CLEC16A: variants seen among roughly 807,000 people sequenced by gnomAD.
CLEC16A encodes C-type lectin domain containing 16A.
Under a neutral mutation model 109.5 loss-of-function variants are expected in CLEC16A, and 51 were observed. The observed-to-expected ratio is 0.47, with a 90% CI of 0.37 to 0.59. The LOEUF is 0.59. Ranked by LOEUF, CLEC16A falls within the 20% of genes least tolerant of loss-of-function variation. The probability of loss-of-function intolerance (pLI) is 0.00; values close to 1 mark genes in which losing one functional copy is unlikely to be tolerated. For missense variants in CLEC16A, 1,339 were observed against 1,394.0 expected (o/e 0.96, Z 0.63); for synonymous variants, 673 against 564.2 (o/e 1.19, Z -2.73).
intron 19 of CLEC16A, among the ~76,000 whole-genome samples, chr16:11,076,052 C>T (rs1245308490): frequency 6.7e-6 from 1 of 148,298 alleles, no homozygotes; most frequent in Non-Finnish European, 1.5e-5. Context: ...GTCTCACTGC[C>T]TTTAGCTCCC....
intron 19 of CLEC16A, among the ~76,000 whole-genome samples, chr16:11,085,630 G>A (rs1194180027): frequency 6.6e-6 from 1 of 152,240 alleles, no homozygotes; most frequent in African/African-American, 2.4e-5. Context: ...TGGTAGCCTT[G>A]GGTCTCTAGA....
chr16:10,977,098 A>T, intron 7 of CLEC16A, 127 bp from the exon 8 acceptor site: 1 of 840,690 alleles, frequency 1.2e-6, no homozygotes, highest in Non-Finnish European at 1.8e-6. Flanking sequence ...GGCCAGGATA[A>T]GTGTCTCTTG....
In CLEC16A at chr16:10,970,163, C is replaced by T. The variant is rs557000261; in HGVS notation, c.492+854C>T. Among the ~76,000 whole-genome samples the T allele has an allele frequency of 1.6e-4, 25 of 152,292 alleles. No individual in the cohort carries two copies. The South Asian group carries it at 5.2e-3, about 32-fold the overall frequency. ...TGGTTCAACAGTATCAGCGAGGACC[C>T]AGGCTTTCCCATCTTGCTGCTCTGC... On this transcript the variant is annotated intron_variant, in intron 4 of 23. Transcript: ENST00000409790.
At chr16:11,073,648 A>G (rs1283522103) in intron 19 of CLEC16A, among the ~76,000 whole-genome samples, 1 of 152,190 alleles carries the variant, frequency 6.6e-6, no homozygotes, top group Non-Finnish European at 1.5e-5. Context: ...GGCTGCTCAC[A>G]GGCTCCTGGA....
At chr16:10,987,968 G>A (rs1005775785) in intron 10 of CLEC16A, among the ~76,000 whole-genome samples, 1 of 152,138 alleles carries the variant, frequency 6.6e-6, no homozygotes, top group East Asian at 1.9e-4. Flanking sequence ...TGTAATTTAG[G>A]GTTAAATGGA....
At chr16:11,141,044 G>T (rs949856914) in intron 22 of CLEC16A, among the ~76,000 whole-genome samples, 4 of 152,228 alleles carry the variant, frequency 2.6e-5, no homozygotes, top group African/African-American at 4.8e-5. Flanking sequence ...GGGCTCAGAC[G>T]GATAGAGCTG....
chr16:11,020,992 C>T (rs1017849138), intron 12 of CLEC16A, among the ~76,000 whole-genome samples: 6 of 152,196 alleles, frequency 3.9e-5, no homozygotes, highest in African/African-American at 1.2e-4. Context: ...CCTCGCAGCC[C>T]CACTGCACAG....
chr16:10,994,413 CCTT>C (rs2044211910), intron 10 of CLEC16A, among the ~76,000 whole-genome samples: 1 of 152,200 alleles, frequency 6.6e-6, no homozygotes, highest in African/African-American at 2.4e-5. Context: ...CCAATCACCT[CCTT>C]CTGGATGAGA....
chr16:10,989,733 C>A (rs2043886832), intron 10 of CLEC16A, among the ~76,000 whole-genome samples: 1 of 152,274 alleles, frequency 6.6e-6, no homozygotes, highest in South Asian at 2.1e-4. Flanking sequence ...AGTAGCAGGA[C>A]TCTCTGCCCA....
chr16:11,083,385 A>G lies in CLEC16A; in HGVS notation c.2116+22363A>G, dbSNP rs75300235. Among the ~76,000 whole-genome samples the G allele has an allele frequency of 1.0e-2, 1,518 of 152,310 alleles. 19 individuals carry two copies. In the Middle Eastern group the frequency reaches 0.15, roughly 15 times the overall value. On this transcript the variant is annotated intron_variant, in intron 19 of 23. Coordinates refer to ENST00000409790, the MANE Select transcript of CLEC16A (RefSeq NM_015226.3). ...TGCCATTTTGCCCAGGCTAGTCTTAAACTCCTGGGCTCAAGCTATCCTTCC... is the reference window on the plus strand; with the variant it reads ...TGCCATTTTGCCCAGGCTAGTCTTAGACTCCTGGGCTCAAGCTATCCTTCC...
intron 1 of CLEC16A, among the ~76,000 whole-genome samples, chr16:10,947,022 C>A (rs569669344): frequency 6.6e-6 from 1 of 152,348 alleles, no homozygotes; most frequent in African/African-American, 2.4e-5. Flanking sequence ...CTTTGCCAGC[C>A]AGCAGGGAAT....
chr16:11,010,316 C>T (rs2045322047), intron 11 of CLEC16A, among the ~76,000 whole-genome samples: 1 of 152,164 alleles, frequency 6.6e-6, no homozygotes, highest in Admixed American at 6.5e-5. Context: ...TTTCTCAATG[C>T]ACACAACAGG....
chr16:10,989,721 C>T (rs78661077), intron 10 of CLEC16A, among the ~76,000 whole-genome samples: 1 of 152,258 alleles, frequency 6.6e-6, no homozygotes, highest in East Asian at 1.9e-4. Context: ...CCTGTCACTT[C>T]TAGTAGCAGG....
At chr16:11,119,263 A>G (rs959955014) in intron 19 of CLEC16A, among the ~76,000 whole-genome samples, 11 of 152,212 alleles carry the variant, frequency 7.2e-5, no homozygotes, top group Admixed American at 7.2e-4. Flanking sequence ...TCGGCCTCCC[A>G]GAGTGCTGGA....
At chr16:10,985,071 C>T (rs1365620911) in intron 10 of CLEC16A, among the ~76,000 whole-genome samples, 1 of 151,782 alleles carries the variant, frequency 6.6e-6, no homozygotes, top group East Asian at 1.9e-4. Context: ...GGCATGGTGG[C>T]AGGCGCCTGC....
At chr16:11,158,307 C>T (rs761930201) in intron 22 of CLEC16A, among the ~76,000 whole-genome samples, 6 of 152,166 alleles carry the variant, frequency 3.9e-5, no homozygotes, top group African/African-American at 4.8e-5. Context: ...AGGGCACCCA[C>T]GCCTCATGGT....
intron 16 of CLEC16A, 84 bp downstream of exon 16, chr16:11,044,156 G>T: frequency 8.5e-7 from 1 of 1,175,072 alleles, no homozygotes. Flanking sequence ...GCAGATAAAC[G>T]TTATATGTCT....
chr16:11,140,016 G>C (rs2053749191), intron 22 of CLEC16A, among the ~76,000 whole-genome samples: 1 of 152,222 alleles, frequency 6.6e-6, no homozygotes, highest in Admixed American at 6.5e-5. Context: ...AAGGTCCCCT[G>C]CCCGGAGTCT....
At chr16:10,996,619 C>T (rs1367606392) in intron 10 of CLEC16A, among the ~76,000 whole-genome samples, 1 of 152,228 alleles carries the variant, frequency 6.6e-6, no homozygotes, top group African/African-American at 2.4e-5. Context: ...AGCCCTGGCG[C>T]ATTTTCCCTC....
Sources: gnomAD v4.1 joint callset for allele counts (sites outside exome capture counted in the v4.1 genomes callset) on GRCh38, gnomAD v4.1.1 for gene constraint, MANE v1.5 for transcripts, NCBI Gene and HGNC (gene_info 2026-07-23, HGNC 2026-07-21) for gene names.